KNTC1: variants seen among roughly 807,000 people sequenced by gnomAD.
The protein encoded by KNTC1 is kinetochore-associated protein 1.
Under a neutral mutation model 314.4 loss-of-function variants are expected in KNTC1, and 253 were observed. The ratio of observed to expected loss-of-function variants is 0.80; its 90% CI spans 0.73 to 0.89. KNTC1 has a LOEUF of 0.89. Among genes scored for constraint, KNTC1 ranks in the 40% least tolerant of loss-of-function variants. KNTC1 has a pLI of 0.00. For synonymous variants in KNTC1, 901 were observed against 901.4 expected, an observed-to-expected ratio of 1.00 and a Z score of 0.01; for missense variants, 2,475 against 2,572.9, an observed-to-expected ratio of 0.96 and a Z score of 0.82.
chr12:122,609,887 A>G (rs1003041724), intron 52 of KNTC1, among the ~76,000 whole-genome samples: 6 of 151,974 alleles, frequency 3.9e-5, no homozygotes, highest in Admixed American at 1.3e-4. Context: ...TCTTGAGAAG[A>G]CTCTATCTGG....
At chr12:122,616,554 C>T (rs545091533) in intron 57 of KNTC1, among the ~76,000 whole-genome samples, 6 of 152,306 alleles carry the variant, frequency 3.9e-5, no homozygotes, top group Non-Finnish European at 7.3e-5. Flanking sequence ...AGCCACCGCA[C>T]CCGGCCGAGA....
intron 62 of KNTC1, among the ~76,000 whole-genome samples, chr12:122,623,445 T>C (rs1445294284): frequency 6.6e-6 from 1 of 152,204 alleles, no homozygotes; most frequent in Non-Finnish European, 1.5e-5. Flanking sequence ...TCTTTCTCAT[T>C]ACCACTCCAT....
At chr12:122,571,352 T>G (rs1247943521) in intron 24 of KNTC1, among the ~76,000 whole-genome samples, 1 of 151,718 alleles carries the variant, frequency 6.6e-6, no homozygotes, top group African/African-American at 2.4e-5. Flanking sequence ...TTTATTTATA[T>G]ATTTATTTAT....
chr12:122,560,450 C>T (rs981719628), intron 18 of KNTC1, among the ~76,000 whole-genome samples: 7 of 152,106 alleles, frequency 4.6e-5, no homozygotes, highest in African/African-American at 1.7e-4. Context: ...CTCACTGCAA[C>T]CTCTGCCCAC....
chr12:122,571,138 G>A lies in KNTC1; in HGVS notation c.2019+12G>A. On this transcript the variant is annotated intron_variant, in intron 24 of 63. Coordinates refer to ENST00000333479, the MANE Select transcript of KNTC1 (RefSeq NM_014708.6). ...ATTGGATTTCCTTGGTATGATGTGA[G>A]AATGGATTTTTAGTAATGAAACAGT... is the stretch of plus-strand genomic sequence containing the variant. The A allele has an allele frequency of 6.3e-7, 1 of 1,593,650 alleles. No individual in the cohort carries two copies. The highest frequency in any genetic ancestry group is 1.1e-5 in the South Asian group (1 of 90,498).
At chr12:122,594,745 A>G (rs1425753712) in intron 43 of KNTC1, among the ~76,000 whole-genome samples, 1 of 152,246 alleles carries the variant, frequency 6.6e-6, no homozygotes, top group Non-Finnish European at 1.5e-5. Context: ...AAGTTGGAGA[A>G]TATTCTTCTG....
chr12:122,540,238 C>T (rs1593489602), intron 5 of KNTC1, among the ~76,000 whole-genome samples: 1 of 149,712 alleles, frequency 6.7e-6, no homozygotes, highest in East Asian at 2.0e-4. Context: ...AATGGCACGA[C>T]CTCGGCTCAC....
chr12:122,588,710 A>G lies in KNTC1; in HGVS notation c.3895-2A>G. The G allele has an allele frequency of 4.0e-6, 6 of 1,499,592 alleles. No individual in the cohort carries two copies. The highest frequency in any genetic ancestry group is 5.3e-6 in the Non-Finnish European group (6 of 1,125,276). The allele number at this position is 1,499,592 out of a possible 1,614,324, so 92.9% of individuals were successfully genotyped here. On this transcript the variant is annotated splice_acceptor_variant, in intron 39 of 63. Coordinates refer to ENST00000333479, the MANE Select transcript of KNTC1 (RefSeq NM_014708.6). LOFTEE classifies it high-confidence loss of function. ...AAATATTTTTTTCTTCTTTTCTAAA[A>G]GTTATTTGGAGAGACTACATTAGTT...
At chr12:122,608,468 G>A (rs184323886) in intron 51 of KNTC1, among the ~76,000 whole-genome samples, 1 of 152,168 alleles carries the variant, frequency 6.6e-6, no homozygotes, top group East Asian at 1.9e-4. Flanking sequence ...ATATCATTTG[G>A]CATTTGATTC....
intron 20 of KNTC1, among the ~76,000 whole-genome samples, chr12:122,564,166 C>T (rs945359608): frequency 2.6e-5 from 4 of 151,962 alleles, no homozygotes; most frequent in African/African-American, 9.7e-5. Flanking sequence ...TTAGTAGAGA[C>T]GGTGTTTCAC....
rs548446324 is a variant in KNTC1, at chr12:122,560,459, AC to A, written c.1489-1456del. 2.0e-5 allele frequency among the ~76,000 whole-genome samples: 3 copies of A among 151,960 alleles called. 1 individual carries two copies. The East Asian group carries it at 5.8e-4, about 29-fold the overall frequency. ...TCTTGGCTCACTGCAACCTCTGCCC[AC>A]CCCCCAGGCTCAAGTGATTCTCTCG... On this transcript the variant is annotated intron_variant, in intron 18 of 63. Transcript: ENST00000333479.
At chr12:122,579,335 A>T (rs1348370406) in intron 31 of KNTC1, among the ~76,000 whole-genome samples, 1 of 151,922 alleles carries the variant, frequency 6.6e-6, no homozygotes, top group African/African-American at 2.4e-5. Flanking sequence ...AAGTGCTGGG[A>T]TTACAGGCGT....
At position 122,542,075 on chromosome 12, in the gene KNTC1, A is replaced by C. The variant is rs1593495128; in HGVS notation, c.471A>C (p.Thr157=). ...NEGTYYMLLL[T]YSGFFCITNL... ...GTACCTATTATATGCTACTTCTTAC[A>C]TACAGTGGATTTTTTTGTATTACAA... Residue 157 remains threonine, a synonymous_variant, in exon 6 of 64, where the codon ACA becomes ACC. Transcript: ENST00000333479. 6.5e-7 allele frequency: 1 copy of C among 1,547,586 alleles called. No homozygotes were observed. Among genetic ancestry groups the C allele is most frequent in the Admixed American group, 1.9e-5 (1 of 53,534 alleles).
At chr12:122,623,469 C>T (rs545037843) in intron 62 of KNTC1, among the ~76,000 whole-genome samples, 1 of 152,250 alleles carries the variant, frequency 6.6e-6, no homozygotes, top group South Asian at 2.1e-4. Context: ...TTTCCATCTG[C>T]TTGTTTATCT....
At position 122,556,436 on chromosome 12, in the gene KNTC1, C is replaced by T. The variant is rs566647505; in HGVS notation, c.1273-948C>T. 4.6e-5 allele frequency among the ~76,000 whole-genome samples: 7 copies of T among 152,082 alleles called. No individual in the cohort carries two copies. The East Asian group carries it at 1.3e-3, about 29-fold the overall frequency. On this transcript the variant is annotated intron_variant, in intron 16 of 63. Coordinates refer to ENST00000333479, the MANE Select transcript of KNTC1 (RefSeq NM_014708.6). ...TGAAACATCTCTGACACCTCTGTATCCTCCCGCCCCTTCCCCTGGGCTCTA... is the reference window on the plus strand; with the variant it reads ...TGAAACATCTCTGACACCTCTGTATTCTCCCGCCCCTTCCCCTGGGCTCTA...
chr12:122,620,379 T>C (rs776266074), intron 59 of KNTC1, 100 bp from the exon 60 acceptor site: 5 of 1,098,176 alleles, frequency 4.6e-6, no homozygotes, highest in Non-Finnish European at 6.4e-6. Context: ...TTTAAAATTA[T>C]TGAAAACTTG....
intron 42 of KNTC1, among the ~76,000 whole-genome samples, chr12:122,592,219 G>C (rs11058859): frequency 6.6e-6 from 1 of 152,324 alleles, no homozygotes; most frequent in East Asian, 1.9e-4. Flanking sequence ...CAGCCCACGG[G>C]CGCTGTGCTC....
intron 16 of KNTC1, among the ~76,000 whole-genome samples, chr12:122,552,806 G>T (rs1052342345): frequency 6.6e-6 from 1 of 152,120 alleles, no homozygotes; most frequent in African/African-American, 2.4e-5. Flanking sequence ...TTCTCTAGGA[G>T]ACCTGAACCA....
At position 122,582,504 on chromosome 12, in the gene KNTC1, A is replaced by T. The variant is rs1175380045; in HGVS notation, c.2983-201A>T. Among the ~76,000 whole-genome samples the T allele has an allele frequency of 2.0e-5, 3 of 152,070 alleles. 1 individual carries two copies. In the East Asian group the frequency reaches 5.8e-4, roughly 29 times the overall value. On this transcript the variant is annotated intron_variant, in intron 33 of 63. Coordinates refer to ENST00000333479, the MANE Select transcript of KNTC1 (RefSeq NM_014708.6). The stretch of plus-strand genomic sequence containing the variant: ...GAGGGCAAAGGTCGAAAAACTACGC[A>T]TCAGGTACTATGCTGGGTGATGGGA...
Sources: gnomAD v4.1 joint callset for allele counts (sites outside exome capture counted in the v4.1 genomes callset) on GRCh38, gnomAD v4.1.1 for gene constraint, MANE v1.5 for transcripts, NCBI Gene and HGNC (gene_info 2026-07-23, HGNC 2026-07-21) for gene names.